The following MACROD1 variants were observed in gnomAD, a reference collection of about 807,000 sequenced individuals.
The protein encoded by MACROD1 is ADP-ribose glycohydrolase MACROD1.
A neutral mutation model predicts 41.4 loss-of-function variants in MACROD1; 31 were observed. The ratio of observed to expected loss-of-function variants is 0.75; its 90% CI spans 0.56 to 1.01. MACROD1 has a LOEUF of 1.01. Ranked by LOEUF, MACROD1 falls within the 50% of genes least tolerant of loss-of-function variation. The probability of loss-of-function intolerance (pLI) is 0.00; values close to 1 mark genes in which losing one functional copy is unlikely to be tolerated. For missense variants in MACROD1, 473 were observed against 460.0 expected (o/e 1.03, Z -0.26); for synonymous variants, 252 against 203.4 (o/e 1.24, Z -2.03).
chr11:63,999,585 G>A lies in MACROD1; in HGVS notation c.787-25C>T, dbSNP rs772146447. 1.3e-5 allele frequency: 21 copies of A among 1,610,398 alleles called. No homozygotes were observed. In the African/African-American group the frequency reaches 2.0e-4, roughly 15 times the overall value. Reference sequence around the variant, plus strand: ...CCTGGGCGGGGAGGGGTGAGAGGGGGTTGGAACATTGTCACTGCGCCCCGC... The same window carrying A: ...CCTGGGCGGGGAGGGGTGAGAGGGGATTGGAACATTGTCACTGCGCCCCGC... On this transcript the variant is annotated intron_variant, in intron 6 of 10. Transcript: ENST00000255681.
chr11:64,117,393 G>A, intron 3 of MACROD1: 1 of 1,612,270 alleles, frequency 6.2e-7, no homozygotes, highest in Non-Finnish European at 8.5e-7. Flanking sequence ...CAGCGAGATG[G>A]ACGAGTGTTT....
At chr11:64,130,625 G>T (rs1945251471) in intron 3 of MACROD1, among the ~76,000 whole-genome samples, 1 of 152,142 alleles carries the variant, frequency 6.6e-6, no homozygotes, top group African/African-American at 2.4e-5. Flanking sequence ...TTCTGCCTCC[G>T]TGGGTCTGAC....
At chr11:64,014,165 G>A (rs928197245) in intron 4 of MACROD1, among the ~76,000 whole-genome samples, 1 of 149,588 alleles carries the variant, frequency 6.7e-6, no homozygotes, top group African/African-American at 2.4e-5. Context: ...CTGTGGGTGG[G>A]ACATGCAGGT....
At chr11:64,073,509 A>G (rs1269054617) in intron 3 of MACROD1, among the ~76,000 whole-genome samples, 1 of 152,242 alleles carries the variant, frequency 6.6e-6, no homozygotes, top group African/African-American at 2.4e-5. Context: ...GGATTAGCTG[A>G]GGTCCTCTGT....
intron 3 of MACROD1, among the ~76,000 whole-genome samples, chr11:64,070,351 A>G (rs186810606): frequency 1.2e-4 from 19 of 152,188 alleles, no homozygotes; most frequent in African/African-American, 2.9e-4. Context: ...GAGAATTCCA[A>G]TGATCCTCCT....
chr11:64,010,987 T>C (rs1222672124), intron 4 of MACROD1, among the ~76,000 whole-genome samples: 2 of 145,450 alleles, frequency 1.4e-5, no homozygotes, highest in Non-Finnish European at 3.0e-5. Context: ...TTGGTTGGGG[T>C]GTTGGTTGGG....
chr11:64,114,265 T>TGGACGGATGGATGGATGGATGGAC, intron 3 of MACROD1, among the ~76,000 whole-genome samples: 1 of 149,560 alleles, frequency 6.7e-6, no homozygotes, highest in South Asian at 2.2e-4. Context: ...GGTGGATGGA[T>TGGACGGATGGATGGATGGATGGAC]GGATGGATGG....
chr11:64,116,138 G>A (rs1944974500), intron 3 of MACROD1: 1 of 1,384,646 alleles, frequency 7.2e-7, no homozygotes, highest in Admixed American at 2.5e-5. Context: ...CAGGCTGGCA[G>A]GTGGGAGGGA....
intron 3 of MACROD1, among the ~76,000 whole-genome samples, chr11:64,065,342 C>T (rs1028063183): frequency 2.0e-5 from 3 of 152,232 alleles, no homozygotes; most frequent in Admixed American, 6.5e-5. Flanking sequence ...GTTCTGAGGG[C>T]GGCTGGGGCC....
At chr11:64,162,450 T>C (rs1432499985) in intron 1 of MACROD1, among the ~76,000 whole-genome samples, 1 of 152,054 alleles carries the variant, frequency 6.6e-6, no homozygotes, top group Non-Finnish European at 1.5e-5. Context: ...TGCAGCTAGC[T>C]ATGATTACAC....
intron 3 of MACROD1, among the ~76,000 whole-genome samples, chr11:64,075,609 T>C (rs904118447): frequency 2.0e-5 from 3 of 152,194 alleles, no homozygotes; most frequent in African/African-American, 2.4e-5. Context: ...CATCCTGATA[T>C]GGAGTGACAA....
chr11:64,065,248 C>T (rs1248510168), intron 3 of MACROD1, among the ~76,000 whole-genome samples: 9 of 152,124 alleles, frequency 5.9e-5, no homozygotes, highest in African/African-American at 1.2e-4. Flanking sequence ...GTTGAGCGAT[C>T]GGAGCAGTGA....
At chr11:63,999,820 G>A in intron 5 of MACROD1, 57 bp from the exon 6 acceptor site, 1 of 1,553,232 alleles carries the variant, frequency 6.4e-7, no homozygotes, top group Non-Finnish European at 8.7e-7. Flanking sequence ...CAGCTCCCTC[G>A]CTTCCCCCTG....
At chr11:64,103,011 C>T (rs1162692332) in intron 3 of MACROD1, among the ~76,000 whole-genome samples, 1 of 151,462 alleles carries the variant, frequency 6.6e-6, no homozygotes, top group Non-Finnish European at 1.5e-5. Context: ...GCAGAGGTCG[C>T]AGTGAGCCGA....
rs1410606909 is a variant in MACROD1, at chr11:64,096,101, C to T, written c.517+55138G>A. On this transcript the variant is annotated intron_variant, in intron 3 of 10. Transcript: ENST00000255681. This position sits in a 1 kb window ranked among gnomAD's most constrained non-coding sequence, Gnocchi z 4.6. ...TGGGGCCCACTTCACAGCCAGGCTGCCAGGAGACGCTGTGAGAGTGCCCAG... is the reference window on the plus strand; with the variant it reads ...TGGGGCCCACTTCACAGCCAGGCTGTCAGGAGACGCTGTGAGAGTGCCCAG... Among the ~76,000 whole-genome samples the T allele has an allele frequency of 1.3e-5, 2 of 152,244 alleles. No individual in the cohort carries two copies. Among genetic ancestry groups the T allele is most frequent in the Admixed American group, 6.5e-5 (1 of 15,288 alleles).
At chr11:64,121,492 A>C (rs1945097325) in intron 3 of MACROD1, among the ~76,000 whole-genome samples, 1 of 152,194 alleles carries the variant, frequency 6.6e-6, no homozygotes, top group African/African-American at 2.4e-5. Flanking sequence ...GCTTTCCCAG[A>C]GGAAGCCCCC....
In MACROD1 at chr11:64,045,562, G is replaced by A. The variant is rs192356965; in HGVS notation, c.518-30281C>T. Among the ~76,000 whole-genome samples, 11 of 152,288 alleles carry A rather than the reference G, an allele frequency of 7.2e-5. No individual in the cohort carries two copies. The East Asian group carries it at 2.1e-3, about 29-fold the overall frequency. ...GTCACTTATGGGACCCAATTTGGTA[G>A]GTAGGGGGTGAGGGTCTGCCGAGGG... On this transcript the variant is annotated intron_variant, in intron 3 of 10. Transcript: ENST00000255681.
intron 3 of MACROD1, among the ~76,000 whole-genome samples, chr11:64,037,216 C>T (rs1339062344): frequency 6.6e-6 from 1 of 152,192 alleles, no homozygotes; most frequent in Non-Finnish European, 1.5e-5. Context: ...GGAAACCAGC[C>T]CCTCCACATC....
chr11:64,041,288 G>A lies in MACROD1; in HGVS notation c.518-26007C>T, dbSNP rs1943482204. Among the ~76,000 whole-genome samples, 4 of 149,042 alleles carry A rather than the reference G, an allele frequency of 2.7e-5. No individual in the cohort carries two copies. In the South Asian group the frequency reaches 8.7e-4, roughly 32 times the overall value. On this transcript the variant is annotated intron_variant, in intron 3 of 10. Transcript: ENST00000255681. ...AGGGAATGCCTTCCGTGAGGAGCCG[G>A]CATTTATCTCCAGAAGCAAATTGCT...
Sources: gnomAD v4.1 joint callset for allele counts (sites outside exome capture counted in the v4.1 genomes callset) on GRCh38, gnomAD v4.1.1 for gene constraint, Gnocchi (gnomAD v3.1) non-coding constraint, MANE v1.5 for transcripts, NCBI Gene and HGNC (gene_info 2026-07-23, HGNC 2026-07-21) for gene names.